Variants in SEMA6D observed in about 807,000 individuals in gnomAD.
The protein encoded by SEMA6D is semaphorin-6D.
Under a neutral mutation model 106.6 loss-of-function variants are expected in SEMA6D, and 35 were observed. The observed-to-expected ratio is 0.33, with a 90% CI of 0.25 to 0.44. SEMA6D has a LOEUF of 0.44. Among genes scored for constraint, SEMA6D ranks in the 20% least tolerant of loss-of-function variants. The pLI is 1.00. For missense variants in SEMA6D, 1,185 were observed against 1,345.9 expected (o/e 0.88, Z 1.87); for synonymous variants, 499 against 487.7 (o/e 1.02, Z -0.31).
chr15:47,308,630 C>G (rs534648588), intron 1 of SEMA6D, among the ~76,000 whole-genome samples: 1 of 152,148 alleles, frequency 6.6e-6, no homozygotes. Context: ...AATGCTCTTA[C>G]AGAACAAGGT....
chr15:47,245,822 A>G (rs1227217493), intron 1 of SEMA6D, among the ~76,000 whole-genome samples: 2 of 152,198 alleles, frequency 1.3e-5, no homozygotes, highest in East Asian at 1.9e-4. Context: ...AAGAAATTGC[A>G]AACACAGAGA....
intron 1 of SEMA6D, among the ~76,000 whole-genome samples, chr15:47,361,143 C>T (rs2038788996): frequency 6.6e-6 from 1 of 152,192 alleles, no homozygotes; most frequent in African/African-American, 2.4e-5. Context: ...TTTCTTGCAT[C>T]CTAGGAGCCC....
In SEMA6D at chr15:47,760,397, C is replaced by T. The variant is rs761938010; in HGVS notation, c.203C>T (p.Thr68Ile). 10 of 1,613,094 alleles carry T rather than the reference C, an allele frequency of 6.2e-6. No homozygotes were observed. The highest frequency in any genetic ancestry group is 8.5e-6 in the Non-Finnish European group (10 of 1,179,250). Residue 68 changes from threonine (T) to isoleucine (I), a missense_variant, in exon 3 of 19, where the codon ACA becomes ATA. By Grantham distance (89) the Thr-to-Ile change is moderately conservative. This residue lies in a region of SEMA6D where 144 missense variants were observed against 138.6 expected (regional missense o/e 1.04). Transcript: ENST00000536845. The stretch of plus-strand genomic sequence containing the variant: ...CAGCTGATGTTGAAAATTCGAGACA[C>T]ACTTTATATTGCTGGCAGGTAATTT... ...DFQLMLKIRD[T>I]LYIAGRDQVY...
At chr15:47,657,037 A>T (rs1452982475) in intron 4 of SEMA6D, among the ~76,000 whole-genome samples, 1 of 152,254 alleles carries the variant, frequency 6.6e-6, no homozygotes, top group Non-Finnish European at 1.5e-5. Context: ...CGAATGCCAG[A>T]TTCACCTGAA....
chr15:47,267,469 T>G (rs2034371730), intron 1 of SEMA6D, among the ~76,000 whole-genome samples: 2 of 152,130 alleles, frequency 1.3e-5, no homozygotes, highest in Non-Finnish European at 2.9e-5. Flanking sequence ...TATTTATTTT[T>G]TCTTCACTTA....
chr15:47,711,018 G>A (rs900992642), intron 4 of SEMA6D, among the ~76,000 whole-genome samples: 3 of 152,172 alleles, frequency 2.0e-5, no homozygotes, highest in African/African-American at 4.8e-5. Flanking sequence ...TTGTAAAAAT[G>A]TATAGGCGTG....
chr15:47,636,911 A>G (rs1398946835), intron 4 of SEMA6D, among the ~76,000 whole-genome samples: 5 of 152,164 alleles, frequency 3.3e-5, no homozygotes, highest in Admixed American at 3.3e-4. Context: ...AAGTGTGCTC[A>G]TGGCTGCCCT....
intron 1 of SEMA6D, chr15:47,359,590 C>G (rs1459754358): frequency 1.3e-5 from 2 of 152,092 alleles, no homozygotes; most frequent in Non-Finnish European, 2.9e-5. Flanking sequence ...TGATAGATTT[C>G]AAGCACTGAA....
intron 4 of SEMA6D, among the ~76,000 whole-genome samples, chr15:47,615,449 G>C (rs2076989995): frequency 1.3e-5 from 2 of 152,214 alleles, no homozygotes; most frequent in East Asian, 3.9e-4. Context: ...TTTTCTCACA[G>C]TTATTTTCTC....
chr15:47,623,388 C>T (rs2077144424), intron 4 of SEMA6D, among the ~76,000 whole-genome samples: 1 of 152,168 alleles, frequency 6.6e-6, no homozygotes, highest in East Asian at 1.9e-4. Context: ...CTCCCAATAA[C>T]CTCTTTTATA....
At chr15:47,508,596 C>G (rs2044127930) in intron 3 of SEMA6D, among the ~76,000 whole-genome samples, 1 of 152,102 alleles carries the variant, frequency 6.6e-6, no homozygotes, top group Non-Finnish European at 1.5e-5. Context: ...CATAGATACT[C>G]AATAATTTGA....
Position 47,612,462 on chromosome 15 carries a change from G to C in SEMA6D, c.-55+11566G>C, listed in dbSNP as rs78517492. On this transcript the variant is annotated intron_variant, in intron 4 of 19. Coordinates refer to the SEMA6D transcript ENST00000558014. ...TAGAGAGTAATGCCGTTAAAAATCG[G>C]TGAGGTGTAAGAAGCTCTTATCCAA... Among the ~76,000 whole-genome samples the C allele has an allele frequency of 1.8e-3, 281 of 152,270 alleles. 6 individuals are homozygous for C. The East Asian group carries it at 0.043, about 23-fold the overall frequency.
chr15:47,615,210 A>G (rs1279492247), intron 4 of SEMA6D, among the ~76,000 whole-genome samples: 3 of 152,250 alleles, frequency 2.0e-5, no homozygotes, highest in Non-Finnish European at 2.9e-5. Context: ...AAATGCAAAT[A>G]AAAACAATGC....
intron 4 of SEMA6D, among the ~76,000 whole-genome samples, chr15:47,692,051 C>T (rs552413478): frequency 6.6e-6 from 1 of 152,042 alleles, no homozygotes; most frequent in South Asian, 2.1e-4. Flanking sequence ...AGACAAAGAC[C>T]CTGACATGGG....
At chr15:47,406,811 G>A (rs2040585510) in intron 1 of SEMA6D, among the ~76,000 whole-genome samples, 1 of 151,476 alleles carries the variant, frequency 6.6e-6, no homozygotes, top group African/African-American at 2.4e-5. Flanking sequence ...TGACTTGTGA[G>A]GTGATAGATA....
intron 3 of SEMA6D, among the ~76,000 whole-genome samples, chr15:47,498,173 A>C (rs1199647292): frequency 1.3e-5 from 2 of 152,150 alleles, no homozygotes; most frequent in African/African-American, 4.8e-5. Flanking sequence ...CACCACTTTA[A>C]GATCATGCAT....
chr15:47,738,920 G>T (rs1288261530), intron 1 of SEMA6D, among the ~76,000 whole-genome samples: 1 of 152,110 alleles, frequency 6.6e-6, no homozygotes, highest in African/African-American at 2.4e-5. Flanking sequence ...TCAGCTCAGG[G>T]CTCAGCTAGG....
chr15:47,711,309 C>CAAAAAAAAAAAAAAAAA (rs10672105), intron 4 of SEMA6D, among the ~76,000 whole-genome samples: 1 of 97,816 alleles, frequency 1.0e-5, no homozygotes, highest in African/African-American at 4.1e-5. Flanking sequence ...GACTCCGTCT[C>CAAAAAAAAAAAAAAAAA]AAAAAAAAAA....
chr15:47,367,604 T>C (rs1277449528), intron 1 of SEMA6D, among the ~76,000 whole-genome samples: 2 of 152,024 alleles, frequency 1.3e-5, no homozygotes, highest in Admixed American at 1.3e-4. Flanking sequence ...AGGGAAATGG[T>C]GGAAAGGAAA....
Sources: gnomAD v4.1 joint callset for allele counts (sites outside exome capture counted in the v4.1 genomes callset) on GRCh38, gnomAD v4.1.1 for gene constraint, gnomAD v4.1.1 regional missense constraint, MANE v1.5 for transcripts, NCBI Gene and HGNC (gene_info 2026-07-23, HGNC 2026-07-21) for gene names.